Variants in ME3 observed in about 807,000 individuals in gnomAD.
ME3 encodes NADP-dependent malic enzyme, mitochondrial.
A neutral mutation model predicts 68.9 loss-of-function variants in ME3; 48 were observed. The observed-to-expected ratio is 0.70, with a 90% CI of 0.55 to 0.89. ME3 has a LOEUF of 0.89. Ranked by LOEUF, ME3 falls within the 40% of genes least tolerant of loss-of-function variation. The pLI, the probability that ME3 is intolerant of heterozygous loss-of-function variation, is 0.00. For synonymous variants in ME3, 320 were observed against 318.8 expected (o/e 1.00, Z -0.04); for missense variants, 675 against 797.4 (o/e 0.85, Z 1.85).
At chr11:86,642,569 C>G (rs1386864845) in intron 2 of ME3, among the ~76,000 whole-genome samples, 1 of 152,110 alleles carries the variant, frequency 6.6e-6, no homozygotes, top group African/African-American at 2.4e-5. Flanking sequence ...GGTGTGGTGG[C>G]CTGTGCCTTT....
intron 7 of ME3, among the ~76,000 whole-genome samples, chr11:86,480,538 T>C (rs1284616996): frequency 6.6e-6 from 1 of 152,172 alleles, no homozygotes; most frequent in East Asian, 1.9e-4. Context: ...AAGCTCACTG[T>C]CCAGAAACTT....
At chr11:86,560,283 T>C (rs1957143142) in intron 2 of ME3, among the ~76,000 whole-genome samples, 1 of 152,088 alleles carries the variant, frequency 6.6e-6, no homozygotes. Context: ...GGTTGTTTGA[T>C]AAGTGTCTGG....
downstream of ME3, chr11:86,436,505 A>G (rs1363483947): frequency 1.3e-5 from 2 of 152,102 alleles, no homozygotes; most frequent in African/African-American, 2.4e-5. Context: ...GCAAAATTTT[A>G]AATTTTGATG....
chr11:86,629,705 T>C (rs1016122298), intron 2 of ME3, among the ~76,000 whole-genome samples: 1 of 152,202 alleles, frequency 6.6e-6, no homozygotes, highest in African/African-American at 2.4e-5. Flanking sequence ...AGAGTAGTCC[T>C]GAGGACACAA....
rs113345880 is a variant in ME3, at chr11:86,485,151, A to G, written c.809+2186T>C. On this transcript the variant is annotated intron_variant, in intron 7 of 14. Coordinates refer to ENST00000543262, the Ensembl canonical transcript of ME3. ...AAGTGCTTCCTTTAGCATTCCACCA[A>G]TTGGTTCTTTTCCATGTAGATACAT... Among the ~76,000 whole-genome samples the G allele has an allele frequency of 2.1e-3, 321 of 152,286 alleles. 1 individual carries two copies. Among genetic ancestry groups the G allele is most frequent in the African/African-American group, 7.3e-3 (302 of 41,572 alleles).
Position 86,633,403 on chromosome 11 carries a change from CCA to C in ME3, c.183+38357_183+38358del, listed in dbSNP as rs545066615. 4.5e-3 allele frequency among the ~76,000 whole-genome samples: 679 copies of C among 152,308 alleles called. 3 individuals are homozygous for C. The highest frequency in any genetic ancestry group is 0.015 in the African/African-American group (627 of 41,564). On this transcript the variant is annotated intron_variant, in intron 2 of 14. Transcript: ENST00000543262. ...ATGCTTACATAATTGGTCCAAGGTG[CCA>C]CAGTCTGGGGAGGCAAAGTCAGAAT...
At chr11:86,654,594 T>C in intron 2 of ME3, among the ~76,000 whole-genome samples, 1 of 152,148 alleles carries the variant, frequency 6.6e-6, no homozygotes, top group Non-Finnish European at 1.5e-5. Flanking sequence ...ATGGGACATA[T>C]CTCAAAATAA....
intron 8 of ME3, among the ~76,000 whole-genome samples, chr11:86,459,460 A>C (rs1487425903): frequency 6.6e-6 from 1 of 152,202 alleles, no homozygotes; most frequent in East Asian, 1.9e-4. Context: ...GTACTGCTAC[A>C]TGCCTGTCCC....
At chr11:86,479,967 A>G (rs1951303715) in intron 7 of ME3, among the ~76,000 whole-genome samples, 1 of 152,052 alleles carries the variant, frequency 6.6e-6, no homozygotes, top group African/African-American at 2.4e-5. Flanking sequence ...GGTGTGTGCC[A>G]CTGTACCTGG....
chr11:86,512,426 A>G (rs886821659), intron 4 of ME3, among the ~76,000 whole-genome samples: 3 of 152,242 alleles, frequency 2.0e-5, no homozygotes, highest in Non-Finnish European at 4.4e-5. Context: ...TTTTGTTGTT[A>G]TTATTCACCA....
chr11:86,637,837 A>G (rs1247287919), intron 2 of ME3, among the ~76,000 whole-genome samples: 1 of 152,146 alleles, frequency 6.6e-6, no homozygotes, highest in Non-Finnish European at 1.5e-5. Context: ...TGTCCAGATG[A>G]CATCCTGAAC....
At chr11:86,436,368 C>T (rs556584554), downstream of ME3, 5 of 151,940 alleles carry the variant, frequency 3.3e-5, no homozygotes, top group Non-Finnish European at 7.4e-5. Flanking sequence ...TTGTCATCTT[C>T]TTATTAAGTT....
intron 11 of ME3, among the ~76,000 whole-genome samples, chr11:86,447,883 A>G (rs889247393): frequency 1.4e-5 from 2 of 140,732 alleles, no homozygotes; most frequent in African/African-American, 5.0e-5. Context: ...AAAGACAGAG[A>G]GAAAGAGAGA....
intron 2 of ME3, among the ~76,000 whole-genome samples, chr11:86,651,709 C>G (rs1594787529): frequency 6.6e-6 from 1 of 152,246 alleles, no homozygotes; most frequent in Non-Finnish European, 1.5e-5. Flanking sequence ...CAAAGGAACA[C>G]AGCTCCTCTC....
chr11:86,556,234 G>A (rs1956917089), intron 4 of ME3, among the ~76,000 whole-genome samples: 1 of 152,212 alleles, frequency 6.6e-6, no homozygotes, highest in South Asian at 2.1e-4. Context: ...GGTGACCAGA[G>A]GGGGTGAGAG....
At chr11:86,546,927 C>T (rs1201488401) in intron 4 of ME3, among the ~76,000 whole-genome samples, 1 of 151,368 alleles carries the variant, frequency 6.6e-6, no homozygotes, top group Non-Finnish European at 1.5e-5. Flanking sequence ...AAATGCCCAT[C>T]AATGATAGAC....
chr11:86,478,748 C>T (rs1951225155), intron 7 of ME3, among the ~76,000 whole-genome samples: 1 of 152,162 alleles, frequency 6.6e-6, no homozygotes, highest in South Asian at 2.1e-4. Context: ...AGTGTTTCCT[C>T]AAGTGGTTTA....
chr11:86,555,032 G>T (rs1382205507), intron 4 of ME3, among the ~76,000 whole-genome samples: 3 of 152,156 alleles, frequency 2.0e-5, no homozygotes, highest in Non-Finnish European at 4.4e-5. Context: ...TGACCCTTGG[G>T]GTGGGCCTTG....
chr11:86,545,031 A>G lies in ME3; in HGVS notation c.467+11522T>C, dbSNP rs560050114. The stretch of plus-strand genomic sequence containing the variant: ...TGGCTGGTTCAACATATGCAAATCA[A>G]TAAACGTAATCCATCACGTAAACAG... On this transcript the variant is annotated intron_variant, in intron 4 of 14. Coordinates refer to ENST00000543262, the Ensembl canonical transcript of ME3. Among the ~76,000 whole-genome samples, 4 of 152,344 alleles carry G rather than the reference A, an allele frequency of 2.6e-5. No homozygotes were observed. The East Asian group carries it at 5.8e-4, about 22-fold the overall frequency.
Sources: allele counts gnomAD v4.1 joint callset (sites outside exome capture counted in the v4.1 genomes callset), GRCh38; gene constraint gnomAD v4.1.1; transcripts MANE v1.5; gene names NCBI Gene and HGNC (gene_info 2026-07-23, HGNC 2026-07-21).